The following NCOA6 variants were observed in gnomAD, a reference collection of about 807,000 sequenced individuals.
NCOA6 encodes nuclear receptor coactivator 6.
In NCOA6, 49 loss-of-function variants were observed where a neutral mutation model predicts 171.4. The ratio of observed to expected loss-of-function variants is 0.29; its 90% confidence interval spans 0.23 to 0.36. NCOA6 has a LOEUF of 0.36. Ranked by LOEUF, NCOA6 falls within the 10% of genes least tolerant of loss-of-function variation. The probability of loss-of-function intolerance (pLI) is 1.00; values close to 1 mark genes in which losing one functional copy is unlikely to be tolerated. For missense variants in NCOA6, 2,248 were observed against 2,554.5 expected (o/e 0.88, Z 2.59); for synonymous variants, 910 against 927.5 (o/e 0.98, Z 0.34).
intron 4 of NCOA6, among the ~76,000 whole-genome samples, chr20:34,775,394 TG>T (rs769214356): frequency 6.6e-6 from 1 of 151,808 alleles, no homozygotes; most frequent in Non-Finnish European, 1.5e-5. Context: ...GTAAAAATAC[TG>T]AAAATGAACA....
rs1158624894 is a variant in NCOA6 at position 34,806,599 on chromosome 20, G to T, written c.-163-14036C>A. ...TTTTTGTATATGGTGAGAGATAGGGGTCTAGTTTCATTCTTCTCCATGTGG... is the reference window on the plus strand; with the variant it reads ...TTTTTGTATATGGTGAGAGATAGGGTTCTAGTTTCATTCTTCTCCATGTGG... On this transcript the variant is annotated intron_variant, in intron 1 of 14. Coordinates refer to ENST00000359003, the MANE Select transcript of NCOA6 (RefSeq NM_014071.5). Among the ~76,000 whole-genome samples, 6 of 152,252 alleles carry T rather than the reference G, an allele frequency of 3.9e-5. No homozygotes were observed. The East Asian group carries it at 9.6e-4, about 24-fold the overall frequency.
chr20:34,729,456 G>A (rs1350597777), intron 13 of NCOA6, among the ~76,000 whole-genome samples: 5 of 151,880 alleles, frequency 3.3e-5, no homozygotes, highest in Admixed American at 1.3e-4. Context: ...GTTCAAAAAC[G>A]CATGTTAAAA....
chr20:34,723,195 T>C (rs6058111), intron 14 of NCOA6, among the ~76,000 whole-genome samples: 53,786 of 152,006 alleles, frequency 0.35, 9,843 homozygotes, highest in Middle Eastern at 0.43. Context: ...GCACCTGGCA[T>C]TGGAAGTGGG....
In NCOA6 at chr20:34,818,496, T is replaced by C. The variant is rs147982389; in HGVS notation, c.-164+6976A>G. Among the ~76,000 whole-genome samples the C allele has an allele frequency of 1.3e-4, 20 of 152,326 alleles. No homozygotes were observed. In the East Asian group the frequency reaches 3.7e-3, roughly 28 times the overall value. ...TTATTGTTACTATTGTTCATCTCCA[T>C]TTCCACCCTTAATTCCAACAACACC... is the stretch of plus-strand genomic sequence containing the variant. On this transcript the variant is annotated intron_variant, in intron 1 of 14. Transcript: ENST00000359003.
intron 5 of NCOA6, among the ~76,000 whole-genome samples, chr20:34,765,767 C>T (rs1423630125): frequency 6.6e-6 from 1 of 152,064 alleles, no homozygotes; most frequent in African/African-American, 2.4e-5. Context: ...AAATTATTGG[C>T]CCCAAACATC....
chr20:34,739,381 CAT>C (rs763386371), intron 11 of NCOA6, among the ~76,000 whole-genome samples: 3 of 152,146 alleles, frequency 2.0e-5, no homozygotes, highest in Non-Finnish European at 4.4e-5. Context: ...TGCCCAAGCC[CAT>C]ATAGCTGGTA....
At chr20:34,720,530 C>T (rs886215686) in intron 14 of NCOA6, among the ~76,000 whole-genome samples, 3 of 152,230 alleles carry the variant, frequency 2.0e-5, no homozygotes, top group African/African-American at 4.8e-5. Context: ...GGTTCTCCAA[C>T]AATACAAACA....
chr20:34,794,184 G>C (rs2146358738), intron 1 of NCOA6, among the ~76,000 whole-genome samples: 1 of 152,258 alleles, frequency 6.6e-6, no homozygotes, highest in Admixed American at 6.5e-5. Flanking sequence ...TACTTGAGAG[G>C]CTAAGACAGG....
At chr20:34,751,417 G>C (rs1179841982) in intron 8 of NCOA6, among the ~76,000 whole-genome samples, 2 of 143,642 alleles carry the variant, frequency 1.4e-5, no homozygotes, top group Admixed American at 7.3e-5. Flanking sequence ...TGTCCTCTTA[G>C]GAAAACCTCA....
chr20:34,729,785 C>T (rs1990389810), intron 13 of NCOA6, among the ~76,000 whole-genome samples: 3 of 152,180 alleles, frequency 2.0e-5, no homozygotes. Flanking sequence ...TGTCAACTAT[C>T]CCTACCCTTC....
At position 34,738,838 on chromosome 20, in the gene NCOA6, G is replaced by T. The variant is rs1600794246; in HGVS notation, c.5893+1525C>A. ...ACTGTAACTGGTAACCAGTGGGCTA[G>T]AATTTGAACTCTGATCTTACCCTGA... On this transcript the variant is annotated intron_variant, in intron 11 of 14. Transcript: ENST00000359003. 6 of 455,402 alleles carry T rather than the reference G, an allele frequency of 1.3e-5. No homozygotes were observed. The Admixed American group carries it at 1.4e-4, about 11-fold the overall frequency. 28.2% of individuals were successfully genotyped at this position (455,402 alleles called of 1,614,324 possible).
chr20:34,812,106 A>T (rs1049822349), intron 1 of NCOA6, among the ~76,000 whole-genome samples: 1 of 152,080 alleles, frequency 6.6e-6, no homozygotes, highest in African/African-American at 2.4e-5. Flanking sequence ...AAAAAAAATT[A>T]GCTGGGCGTG....
At chr20:34,760,041 G>A (rs756626736) in intron 5 of NCOA6, among the ~76,000 whole-genome samples, 1 of 152,150 alleles carries the variant, frequency 6.6e-6, no homozygotes, top group Non-Finnish European at 1.5e-5. Flanking sequence ...GCTTTTGGAG[G>A]CCAAGGTGGG....
intron 5 of NCOA6, among the ~76,000 whole-genome samples, chr20:34,766,960 C>T (rs563994690): frequency 6.6e-6 from 1 of 152,304 alleles, no homozygotes; most frequent in Non-Finnish European, 1.5e-5. Context: ...GCTCAGACTT[C>T]TGTGGGGAAC....
chr20:34,742,957 G>A lies in NCOA6; in HGVS notation c.3299C>T (p.Pro1100Leu), dbSNP rs753229921. 3.7e-6 allele frequency: 6 copies of A among 1,613,872 alleles called. No individual in the cohort carries two copies. The highest frequency in any genetic ancestry group is 1.1e-5 in the South Asian group (1 of 91,078). Residue 1100 changes from proline (P) to leucine (L), a missense_variant, in exon 11 of 15, where the codon CCT (proline) becomes CTT (leucine). Physicochemically the swap from Pro to Leu is moderately conservative, Grantham distance 98. This residue lies in a region of NCOA6 where 352 missense variants were observed against 419.1 expected (regional missense o/e 0.84). Transcript: ENST00000359003. ...ATTGCTTCCCAAGGGAGTATTCACA[G>A]GCATTGGCATTCTTTGTTTATCAGG... The part of the protein sequence containing the change: ...PSPDKQRMPM[P>L]VNTPLGSNSR...
chr20:34,758,291 T>G (rs2076713241), intron 6 of NCOA6, among the ~76,000 whole-genome samples, 187 bp from the exon 7 acceptor site: 1 of 152,240 alleles, frequency 6.6e-6, no homozygotes, highest in South Asian at 2.1e-4. Flanking sequence ...TAAAAAGAGC[T>G]TGGTCAGTAG....
Position 34,743,193 on chromosome 20 carries a change from T to C in NCOA6, c.3063A>G (p.Pro1021=). The change falls in exon 11 of 15, where the codon CCA becomes CCG. Residue 1021 remains proline (P), a synonymous_variant. Coordinates refer to ENST00000359003, the MANE Select transcript of NCOA6 (RefSeq NM_014071.5). ...QQQQPPPPSQ[P]QSQQQQQQQQ... ...GCTGCTGCTGCTGCTGCTGAGACTG[T>C]GGCTGACTGGGAGGTGGTGGCTGCT... The C allele has an allele frequency of 1.2e-6, 2 of 1,614,020 alleles. No homozygotes were observed. Among genetic ancestry groups the C allele is most frequent in the Non-Finnish European group, 1.7e-6 (2 of 1,179,990 alleles).
Position 34,727,479 on chromosome 20 carries a change from T to G in NCOA6, c.6000-72A>C, listed in dbSNP as rs542742520. ...CCACACAAAAAACGGGCTCTTCAGA[T>G]AGTTTCATTCGTAAAGTAGGAGACT... On this transcript the variant is annotated intron_variant, in intron 13 of 14. Coordinates refer to ENST00000359003, the MANE Select transcript of NCOA6 (RefSeq NM_014071.5). 43 of 1,522,210 alleles carry G rather than the reference T, an allele frequency of 2.8e-5. No individual in the cohort carries two copies. In the Admixed American group the frequency reaches 6.2e-4, roughly 22 times the overall value. The allele number at this position is 1,522,210 out of a possible 1,614,324, so 94.3% of individuals were successfully genotyped here.
rs189830809 is a variant in NCOA6, at chr20:34,790,701, G to A, written c.-50+1749C>T. ...GTCTGGCTCTGTCACCCAGGCAGGA[G>A]TGCAGTGGCGTGATCTTGGCTCACT... On this transcript the variant is annotated intron_variant, in intron 2 of 14. Coordinates refer to ENST00000359003, the MANE Select transcript of NCOA6 (RefSeq NM_014071.5). Among the ~76,000 whole-genome samples the A allele has an allele frequency of 5.5e-3, 836 of 150,948 alleles. 39 individuals carry two copies. The highest frequency in any genetic ancestry group is 0.048 in the Admixed American group (719 of 15,108).
Sources: gnomAD v4.1 joint callset for allele counts (sites outside exome capture counted in the v4.1 genomes callset) on GRCh38, gnomAD v4.1.1 for gene constraint, gnomAD v4.1.1 regional missense constraint, MANE v1.5 for transcripts, NCBI Gene and HGNC (gene_info 2026-07-23, HGNC 2026-07-21) for gene names.